Variants in SLC35F3 observed in about 807,000 individuals in gnomAD.
SLC35F3 encodes the protein solute carrier family 35 member F3, also known as putative thiamine transporter SLC35F3.
A neutral mutation model predicts 49.9 loss-of-function variants in SLC35F3; 25 were observed. That is an observed-to-expected ratio of 0.50 (90% confidence interval 0.37 to 0.70). The LOEUF is 0.70. Among genes scored for constraint, SLC35F3 ranks in the 30% least tolerant of loss-of-function variants. The pLI is 0.00. For synonymous variants in SLC35F3, 275 were observed against 265.4 expected (o/e 1.04, Z -0.35); for missense variants, 525 against 639.8 (o/e 0.82, Z 1.94).
chr1:234,268,691 C>G (rs1156961226), intron 3 of SLC35F3: 1 of 152,158 alleles, frequency 6.6e-6, no homozygotes, highest in Non-Finnish European at 1.5e-5. Flanking sequence ...CATGTCTACC[C>G]AAGACTGAGA....
At chr1:234,069,678 C>A (rs1212043816) in intron 2 of SLC35F3, among the ~76,000 whole-genome samples, 1 of 152,172 alleles carries the variant, frequency 6.6e-6, no homozygotes, top group Non-Finnish European at 1.5e-5. Context: ...GCCCAGCCTC[C>A]CCCAGGGTCC....
intron 2 of SLC35F3, among the ~76,000 whole-genome samples, chr1:234,142,871 G>T (rs1665938779): frequency 1.3e-5 from 2 of 152,166 alleles, no homozygotes; most frequent in Non-Finnish European, 2.9e-5. Context: ...TATATAGTCA[G>T]TATGGGGAAA....
chr1:234,131,137 G>A (rs996652223), intron 2 of SLC35F3, among the ~76,000 whole-genome samples: 15 of 152,054 alleles, frequency 9.9e-5, no homozygotes, highest in Non-Finnish European at 2.1e-4. Flanking sequence ...AGAGGGAATA[G>A]TTAAGAGGGG....
intron 2 of SLC35F3, among the ~76,000 whole-genome samples, chr1:234,078,607 C>T (rs961271692): frequency 5.3e-5 from 8 of 152,208 alleles, no homozygotes; most frequent in Non-Finnish European, 1.0e-4. Context: ...GCCTCAGATT[C>T]CTTTGCAGGC....
chr1:234,243,308 A>G (rs185814316), intron 3 of SLC35F3, among the ~76,000 whole-genome samples: 1 of 152,306 alleles, frequency 6.6e-6, no homozygotes, highest in Admixed American at 6.5e-5. Flanking sequence ...AGATCACGCC[A>G]CTGCACTCTA....
Position 234,323,359 on chromosome 1 carries a change from ATGGTATTTAT to A in SLC35F3, c.*120_*129del. 2.4e-6 allele frequency: 2 copies of A among 833,206 alleles called. No homozygotes were observed. Among genetic ancestry groups the A allele is most frequent in the South Asian group, 3.5e-5 (2 of 56,404 alleles). 51.6% of individuals were successfully genotyped at this position (833,206 alleles called of 1,614,324 possible). ...GTTTTGGTCATCTGCGGTAAGTTCT[ATGGTATTTAT>A]TGGCATGTCCAATTTGCTTGCACTT... On this transcript the variant is annotated 3_prime_UTR_variant, in exon 8 of 8. Transcript: ENST00000366618. The surrounding 1 kb of genome is among the most constrained non-coding windows in gnomAD (Gnocchi z 4.5).
chr1:234,294,722 G>A (rs987312108), intron 3 of SLC35F3, among the ~76,000 whole-genome samples: 1 of 152,194 alleles, frequency 6.6e-6, no homozygotes, highest in Non-Finnish European at 1.5e-5. Context: ...TGCCACTTTT[G>A]GATTGTGCAC....
intron 2 of SLC35F3, chr1:234,213,451 C>G (rs1667070787): frequency 6.6e-6 from 1 of 152,306 alleles, no homozygotes; most frequent in African/African-American, 2.4e-5. Context: ...GTCCTACCTG[C>G]AGGGATGATA....
At chr1:234,030,389 C>T (rs947891089) in intron 2 of SLC35F3, among the ~76,000 whole-genome samples, 9 of 152,174 alleles carry the variant, frequency 5.9e-5, no homozygotes, top group African/African-American at 2.2e-4. Context: ...GTGCTCACAG[C>T]TCATTCAGTA....
At chr1:233,996,236 C>G (rs7539822) in intron 2 of SLC35F3, among the ~76,000 whole-genome samples, 20,981 of 152,148 alleles carry the variant, frequency 0.14, 1,617 homozygotes, top group Non-Finnish European at 0.18. Context: ...TACAGTATAA[C>G]AGCTATTTAC....
chr1:233,962,117 T>C (rs1662814403), intron 2 of SLC35F3, among the ~76,000 whole-genome samples: 1 of 152,244 alleles, frequency 6.6e-6, no homozygotes, highest in Admixed American at 6.5e-5. Flanking sequence ...ATTAAAACCA[T>C]ACATATTTCC....
At chr1:234,227,803 C>G (rs1667311418) in intron 2 of SLC35F3, among the ~76,000 whole-genome samples, 1 of 152,168 alleles carries the variant, frequency 6.6e-6, no homozygotes, top group Non-Finnish European at 1.5e-5. Context: ...GTTTCCTACA[C>G]TTAGAAGATT....
At chr1:233,948,078 G>T (rs1172784597) in intron 2 of SLC35F3, among the ~76,000 whole-genome samples, 1 of 150,090 alleles carries the variant, frequency 6.7e-6, no homozygotes, top group Non-Finnish European at 1.5e-5. Context: ...ATTAGGTAAG[G>T]CATTTCTATG....
At chr1:234,312,049 AG>A (rs1488160860) in intron 4 of SLC35F3, among the ~76,000 whole-genome samples, 2 of 152,200 alleles carry the variant, frequency 1.3e-5, no homozygotes, top group East Asian at 1.9e-4. Flanking sequence ...TCTCAATTGG[AG>A]GGGGTTGATG....
At chr1:234,321,969 C>G (rs944526275) in intron 7 of SLC35F3, among the ~76,000 whole-genome samples, 1 of 151,836 alleles carries the variant, frequency 6.6e-6, no homozygotes, top group African/African-American at 2.4e-5. Flanking sequence ...TCGCTTGAGC[C>G]CAGGAGTTCT....
At chr1:234,264,068 C>G (rs1667945642) in intron 3 of SLC35F3, among the ~76,000 whole-genome samples, 1 of 152,170 alleles carries the variant, frequency 6.6e-6, no homozygotes, top group Admixed American at 6.5e-5. Context: ...AAGATCACAC[C>G]ACTACACTCC....
rs144559332 is a variant in SLC35F3 at position 234,233,635 on chromosome 1, A to G, written c.608+1894A>G. ...AATGGAAGGTCATTGAAGATTAGTTATACATAGAAAAGCATCAGCACCTTG... is the reference window on the plus strand; with the variant it reads ...AATGGAAGGTCATTGAAGATTAGTTGTACATAGAAAAGCATCAGCACCTTG... On this transcript the variant is annotated intron_variant, in intron 3 of 7. Coordinates refer to ENST00000366618, the MANE Select transcript of SLC35F3 (RefSeq NM_173508.4). Among the ~76,000 whole-genome samples, 140 of 152,364 alleles carry G rather than the reference A, an allele frequency of 9.2e-4. 1 individual carries two copies. The highest frequency in any genetic ancestry group is 3.3e-3 in the African/African-American group (138 of 41,584).
chr1:234,239,053 G>A (rs758541579), intron 3 of SLC35F3, among the ~76,000 whole-genome samples: 5 of 152,190 alleles, frequency 3.3e-5, no homozygotes, highest in Admixed American at 1.3e-4. Context: ...CCATATGAGT[G>A]TAATTATGAC....
At chr1:234,072,871 G>T (rs1664738098) in intron 2 of SLC35F3, among the ~76,000 whole-genome samples, 1 of 152,178 alleles carries the variant, frequency 6.6e-6, no homozygotes, top group Admixed American at 6.5e-5. Flanking sequence ...GGAAGACCCT[G>T]GAAGGCTTTG....
Sources: allele counts gnomAD v4.1 joint callset (sites outside exome capture counted in the v4.1 genomes callset), GRCh38; gene constraint gnomAD v4.1.1; non-coding constraint Gnocchi (gnomAD v3.1); transcripts MANE v1.5; gene names NCBI Gene and HGNC (gene_info 2026-07-23, HGNC 2026-07-21).